Variants in ABLIM3 observed in about 807,000 individuals in gnomAD.
The protein encoded by ABLIM3 is actin binding LIM protein family member 3, also known as actin-binding LIM protein 3.
ABLIM3 carries 61 observed loss-of-function variants against 109.5 expected under a neutral mutation model. The observed-to-expected ratio is 0.56, with a 90% CI of 0.45 to 0.69. The LOEUF is 0.69. ABLIM3 is among the 30% of genes least tolerant of loss of function. The pLI is 0.00. For synonymous variants in ABLIM3, 300 were observed against 324.8 expected, an observed-to-expected ratio of 0.92 and a Z score of 0.82; for missense variants, 796 against 889.5, an observed-to-expected ratio of 0.89 and a Z score of 1.34.
intron 3 of ABLIM3, 136 bp downstream of exon 3, chr5:149,183,725 C>A: frequency 9.7e-7 from 1 of 1,035,434 alleles, no homozygotes; most frequent in South Asian, 3.1e-5. Flanking sequence ...TTTCCCTGAG[C>A]CTCTTCTTAT....
intron 4 of ABLIM3, 71 bp from the exon 5 acceptor site, chr5:149,200,245 G>C (rs573148841): frequency 7.5e-7 from 1 of 1,334,980 alleles, no homozygotes; most frequent in Non-Finnish European, 1.1e-6. Context: ...AGTGCTTTGA[G>C]CACATGTGTG....
intron 5 of ABLIM3, among the ~76,000 whole-genome samples, chr5:149,203,527 C>T (rs946524331): frequency 3.9e-5 from 6 of 152,032 alleles, no homozygotes; most frequent in Non-Finnish European, 7.4e-5. Context: ...GTCTCCAACA[C>T]GATCACTACC....
At position 149,194,624 on chromosome 5, in the gene ABLIM3, C is replaced by T. The variant is rs139371068; in HGVS notation, c.152-3595C>T. ...AAAATGAGTGAACTGCAGTTACGTGCATCGACGTGGATGAATCTCAACACA... is the reference window on the plus strand; with the variant it reads ...AAAATGAGTGAACTGCAGTTACGTGTATCGACGTGGATGAATCTCAACACA... On this transcript the variant is annotated intron_variant, in intron 3 of 23. Coordinates refer to ENST00000309868, the MANE Select transcript of ABLIM3 (RefSeq NM_014945.5). 4.1e-3 allele frequency among the ~76,000 whole-genome samples: 619 copies of T among 152,322 alleles called. 2 individuals are homozygous for T. Among genetic ancestry groups the T allele is most frequent in the Non-Finnish European group, 6.8e-3 (461 of 68,022 alleles).
chr5:149,170,373 G>A (rs1755296103), intron 2 of ABLIM3, among the ~76,000 whole-genome samples: 1 of 151,936 alleles, frequency 6.6e-6, no homozygotes, highest in Non-Finnish European at 1.5e-5. Context: ...GCAACCAGGT[G>A]GCTTTTCTAA....
At chr5:149,162,713 C>T (rs939489653) in intron 2 of ABLIM3, among the ~76,000 whole-genome samples, 6 of 152,134 alleles carry the variant, frequency 3.9e-5, no homozygotes, top group Non-Finnish European at 7.3e-5. Context: ...CCTGTGTGCC[C>T]CTCCGTAGGC....
chr5:149,189,717 C>T (rs1192551699), intron 3 of ABLIM3, among the ~76,000 whole-genome samples: 1 of 152,152 alleles, frequency 6.6e-6, no homozygotes, highest in Non-Finnish European at 1.5e-5. Context: ...TGTTGATGAG[C>T]ATGTGGAGAC....
At chr5:149,246,351 C>T (rs1353188360) in intron 16 of ABLIM3, 131 bp from the exon 17 acceptor site, 12 of 860,200 alleles carry the variant, frequency 1.4e-5, no homozygotes, top group African/African-American at 1.0e-4. Context: ...TTAGCTTAAA[C>T]GAGACTGTTT....
chr5:149,237,749 T>TA, intron 11 of ABLIM3, 146 bp downstream of exon 11: 1 of 1,065,430 alleles, frequency 9.4e-7, no homozygotes, highest in Non-Finnish European at 1.3e-6. Context: ...CAACGTTTTT[T>TA]AAATGAAGAG....
chr5:149,196,008 T>C (rs1369442331), intron 3 of ABLIM3, among the ~76,000 whole-genome samples: 2 of 152,230 alleles, frequency 1.3e-5, no homozygotes, highest in Non-Finnish European at 2.9e-5. Context: ...AGCCTCTTCA[T>C]TCTGCGTACA....
intron 7 of ABLIM3, among the ~76,000 whole-genome samples, chr5:149,211,313 G>GA (rs942580949): frequency 1.3e-5 from 2 of 152,072 alleles, no homozygotes; most frequent in Non-Finnish European, 2.9e-5. Context: ...TTTGATGTAT[G>GA]ACTCCTTCTG....
intron 10 of ABLIM3, among the ~76,000 whole-genome samples, chr5:149,234,091 T>A (rs1423249907): frequency 1.3e-5 from 2 of 152,194 alleles, no homozygotes; most frequent in Non-Finnish European, 2.9e-5. Context: ...GTGCCATGAA[T>A]CATCAATTGC....
At chr5:149,237,682 G>A in intron 11 of ABLIM3, 79 bp downstream of exon 11, 1 of 1,571,668 alleles carries the variant, frequency 6.4e-7, no homozygotes, top group Non-Finnish European at 8.6e-7. Flanking sequence ...CTCCATCACA[G>A]ACAGTTTGGC....
intron 8 of ABLIM3, among the ~76,000 whole-genome samples, chr5:149,228,343 G>A (rs1412145700): frequency 6.6e-6 from 1 of 152,084 alleles, no homozygotes; most frequent in African/African-American, 2.4e-5. Context: ...CCTTAGAATT[G>A]CATTTGAGTC....
At chr5:149,246,331 G>A in intron 16 of ABLIM3, 151 bp from the exon 17 acceptor site, 3 of 709,702 alleles carry the variant, frequency 4.2e-6, no homozygotes, top group Non-Finnish European at 6.9e-6. Context: ...ACTTTCAGCT[G>A]ATGTGGGGCT....
intron 8 of ABLIM3, among the ~76,000 whole-genome samples, chr5:149,227,680 A>G (rs79530014): frequency 2.0e-5 from 3 of 152,312 alleles, no homozygotes; most frequent in African/African-American, 2.4e-5. Flanking sequence ...ACTGCAAGAC[A>G]GGTGATCCAC....
intron 3 of ABLIM3, among the ~76,000 whole-genome samples, chr5:149,193,586 G>A (rs924759142): frequency 1.3e-5 from 2 of 151,998 alleles, no homozygotes; most frequent in Non-Finnish European, 2.9e-5. Context: ...ATTCCATAAG[G>A]TTTTCCATAG....
At chr5:149,170,228 T>TTTTCTCTC (rs1554082423) in intron 2 of ABLIM3, among the ~76,000 whole-genome samples, 70 of 124,654 alleles carry the variant, frequency 5.6e-4, no homozygotes, top group African/African-American at 2.0e-3. Context: ...AGGGTTCTGT[T>TTTTCTCTC]TCTCTCTCTC....
At chr5:149,182,581 G>T (rs1021016315) in intron 2 of ABLIM3, among the ~76,000 whole-genome samples, 1 of 152,166 alleles carries the variant, frequency 6.6e-6, no homozygotes. Context: ...GAATAGCCAA[G>T]CCAAGTGTAT....
chr5:149,153,263 A>C (rs1448579090), intron 2 of ABLIM3, among the ~76,000 whole-genome samples: 1 of 152,216 alleles, frequency 6.6e-6, no homozygotes. Context: ...CTATCTACCC[A>C]GTCATAAGTC....
Sources: gnomAD v4.1 joint callset for allele counts (sites outside exome capture counted in the v4.1 genomes callset) on GRCh38, gnomAD v4.1.1 for gene constraint, MANE v1.5 for transcripts, NCBI Gene and HGNC (gene_info 2026-07-23, HGNC 2026-07-21) for gene names.